HS3ST3B1: variants seen among roughly 807,000 people sequenced by gnomAD.
HS3ST3B1 encodes heparan sulfate glucosamine 3-O-sulfotransferase 3B1.
In HS3ST3B1, 13 loss-of-function variants were observed where a neutral mutation model predicts 21.3. That is an observed-to-expected ratio of 0.61 (90% CI 0.40 to 0.97). The LOEUF is 0.97. HS3ST3B1 is among the 50% of genes least tolerant of loss of function. The pLI is 0.00. For synonymous variants in HS3ST3B1, 234 were observed against 254.8 expected (o/e 0.92, Z 0.78); for missense variants, 459 against 554.8 (o/e 0.83, Z 1.73).
intron 1 of HS3ST3B1, among the ~76,000 whole-genome samples, chr17:14,318,768 T>A (rs72818695): frequency 6.6e-6 from 1 of 152,322 alleles, no homozygotes; most frequent in Non-Finnish European, 1.5e-5. Flanking sequence ...AAGGGAATGT[T>A]CAGTCTTTCA....
chr17:14,334,698 G>A (rs149663342), intron 1 of HS3ST3B1, among the ~76,000 whole-genome samples: 2 of 152,266 alleles, frequency 1.3e-5, no homozygotes, highest in East Asian at 1.9e-4. Context: ...TTGGACATAC[G>A]TATAATGACA....
At chr17:14,309,517 G>A (rs1260766045) in intron 1 of HS3ST3B1, among the ~76,000 whole-genome samples, 1 of 147,654 alleles carries the variant, frequency 6.8e-6, no homozygotes, top group African/African-American at 2.5e-5. Context: ...TGTTCCGCCT[G>A]AGAGGAGAAC....
chr17:14,326,526 G>C (rs1373672447), intron 1 of HS3ST3B1, among the ~76,000 whole-genome samples: 1 of 152,160 alleles, frequency 6.6e-6, no homozygotes, highest in Non-Finnish European at 1.5e-5. Context: ...AAAAACTTCA[G>C]TCCAGGCTAA....
intron 1 of HS3ST3B1, among the ~76,000 whole-genome samples, chr17:14,307,656 G>A (rs28716100): frequency 6.6e-6 from 1 of 152,168 alleles, no homozygotes; most frequent in African/African-American, 2.4e-5. Flanking sequence ...TCAAGGTTCA[G>A]AACTGAAATA....
chr17:14,319,999 A>G lies in HS3ST3B1; in HGVS notation c.554+17927A>G, dbSNP rs894118552. 7.9e-5 allele frequency among the ~76,000 whole-genome samples: 12 copies of G among 152,178 alleles called. 1 individual carries two copies. The highest frequency in any genetic ancestry group is 7.8e-4 in the Admixed American group (12 of 15,290). On this transcript the variant is annotated intron_variant, in intron 1 of 1. Coordinates refer to ENST00000360954, the MANE Select transcript of HS3ST3B1 (RefSeq NM_006041.3). ...TGCGCAGGAGGGCCTTTTTAAAAAG[A>G]TGAAAAGGTAGAAAGATGAGGACTG... is the stretch of plus-strand genomic sequence containing the variant.
chr17:14,345,977 C>G lies in HS3ST3B1; in HGVS notation c.*331C>G, dbSNP rs1910558029. The G allele has an allele frequency of 4.2e-6, 1 of 238,378 alleles. No individual in the cohort carries two copies. Among genetic ancestry groups the G allele is most frequent in the Non-Finnish European group, 8.1e-6 (1 of 123,960 alleles). 14.8% of individuals were successfully genotyped at this position (238,378 alleles called of 1,614,324 possible). A position where few individuals can be genotyped will look rare whatever the true frequency, so the allele number is the denominator to read the frequency against. On this transcript the variant is annotated 3_prime_UTR_variant, in exon 2 of 2. Coordinates refer to ENST00000360954, the MANE Select transcript of HS3ST3B1 (RefSeq NM_006041.3). ...TCAGCCTTCAGTCACCGTCTGAGTT[C>G]TCCAGTTGCTGCCTCCTTGTCTTGT...
chr17:14,301,224 C>T lies in HS3ST3B1; in HGVS notation c.-295C>T, dbSNP rs1305226862. ...CGCGAGAGTGCAACGTCCTCCTGGC[C>T]CCGAGCGCGTCGTCGCGCCCCGGGA... On this transcript the variant is annotated 5_prime_UTR_variant, in exon 1 of 2. Coordinates refer to ENST00000360954, the MANE Select transcript of HS3ST3B1 (RefSeq NM_006041.3). 20 of 454,200 alleles carry T rather than the reference C, an allele frequency of 4.4e-5. No homozygotes were observed. The highest frequency in any genetic ancestry group is 7.3e-5 in the Non-Finnish European group (19 of 258,820). The allele number at this position is 454,200 out of a possible 1,614,324, so 28.1% of individuals were successfully genotyped here. A position where few individuals can be genotyped will look rare whatever the true frequency, so the allele number is the denominator to read the frequency against.
intron 1 of HS3ST3B1, among the ~76,000 whole-genome samples, chr17:14,314,231 G>C (rs571567980): frequency 8.2e-6 from 1 of 122,268 alleles, no homozygotes; most frequent in South Asian, 2.4e-4. Context: ...CACCCGCCTC[G>C]GCCTCCCGAA....
chr17:14,340,658 C>T (rs2142352670), intron 1 of HS3ST3B1, among the ~76,000 whole-genome samples: 1 of 152,316 alleles, frequency 6.6e-6, no homozygotes, highest in East Asian at 1.9e-4. Flanking sequence ...TCTCAGCTCA[C>T]TGCAACCTCC....
In HS3ST3B1 at chr17:14,301,681, T is replaced by C; in HGVS notation, c.163T>C (p.Cys55Arg). The change falls in exon 1 of 2, where the codon TGC becomes CGC. Residue 55 changes from cysteine (C) to arginine (R), a missense_variant. Physicochemically the swap from Cys to Arg is radical, Grantham distance 180. Around this residue, in one of 3 missense-constraint regions of HS3ST3B1, gnomAD observed 317 missense variants for 278.6 expected, o/e 1.14. Transcript: ENST00000360954. ...GTTCCTGTACTCGTGCGCCGGCTCC[T>C]GCGCCGCCGCGCCGGGGCTGCTGCT... is the stretch of plus-strand genomic sequence containing the variant. ...YMFLYSCAGS[C>R]AAAPGLLLLG... 6.2e-7 allele frequency: 1 copy of C among 1,601,448 alleles called. No homozygotes were observed. The highest frequency in any genetic ancestry group is 8.5e-7 in the Non-Finnish European group (1 of 1,176,060).
intron 1 of HS3ST3B1, among the ~76,000 whole-genome samples, chr17:14,342,667 TG>T (rs1450752816): frequency 6.6e-6 from 1 of 152,168 alleles, no homozygotes; most frequent in Non-Finnish European, 1.5e-5. Context: ...GAATACGTAT[TG>T]GTGGCTCCAT....
chr17:14,301,750 G>C lies in HS3ST3B1; in HGVS notation c.232G>C (p.Ala78Pro). 6.3e-7 allele frequency: 1 copy of C among 1,593,548 alleles called. No homozygotes were observed. The highest frequency in any genetic ancestry group is 1.1e-5 in the South Asian group (1 of 89,516). ...CGCCGCACACGACCCGCCAGCCCTG[G>C]CCACAGCTCCGGACGGGACGCCCCC... Reference protein sequence around the residue: ...SRAAHDPPALATAPDGTPPRL... With the variant: ...SRAAHDPPALPTAPDGTPPRL... The change falls in exon 1 of 2, where the codon GCC (alanine) becomes CCC (proline). Residue 78 changes from alanine to proline, a missense_variant. Physicochemically the swap from Ala to Pro is conservative, Grantham distance 27. This residue lies in a region of HS3ST3B1 where 317 missense variants were observed against 278.6 expected (regional missense o/e 1.14). Coordinates refer to ENST00000360954, the MANE Select transcript of HS3ST3B1 (RefSeq NM_006041.3).
intron 1 of HS3ST3B1, among the ~76,000 whole-genome samples, chr17:14,314,277 C>T (rs1057005619): frequency 1.3e-5 from 2 of 152,208 alleles, no homozygotes; most frequent in Non-Finnish European, 2.9e-5. Context: ...CCCTGCCTGG[C>T]CTGGGTTTCT....
chr17:14,311,129 G>A (rs1291671767), intron 1 of HS3ST3B1, among the ~76,000 whole-genome samples: 1 of 150,468 alleles, frequency 6.6e-6, no homozygotes, highest in Non-Finnish European at 1.5e-5. Context: ...CTGTCACCTA[G>A]GCTGGAGTGC....
rs1555548187 is a variant in HS3ST3B1, at chr17:14,313,093, G to GGTGT, written c.554+11034_554+11037dup. Among the ~76,000 whole-genome samples the GGTGT allele has an allele frequency of 3.9e-3, 262 of 67,992 alleles. 1 individual carries two copies. Among genetic ancestry groups the GGTGT allele is most frequent in the African/African-American group, 0.015 (249 of 16,942 alleles). The allele number at this position is 67,992 out of a possible 152,430, so 44.6% of individuals were successfully genotyped here. On this transcript the variant is annotated intron_variant, in intron 1 of 1. Coordinates refer to ENST00000360954, the MANE Select transcript of HS3ST3B1 (RefSeq NM_006041.3). ...AGCTAATTATTGTGTGTGTGTGTGT[G>GGTGT]GTGTGTGTGTGTGTGTATATATATA...
At chr17:14,337,855 A>G (rs1340752470) in intron 1 of HS3ST3B1, among the ~76,000 whole-genome samples, 2 of 151,700 alleles carry the variant, frequency 1.3e-5, no homozygotes, top group African/African-American at 2.4e-5. Flanking sequence ...GTGGACCTCT[A>G]TACCCACATA....
At chr17:14,321,228 G>A (rs1308598258) in intron 1 of HS3ST3B1, among the ~76,000 whole-genome samples, 2 of 152,180 alleles carry the variant, frequency 1.3e-5, no homozygotes, top group Non-Finnish European at 2.9e-5. Flanking sequence ...TTCCAGCTGA[G>A]AGGCTACTCC....
At chr17:14,329,746 C>A in intron 1 of HS3ST3B1, among the ~76,000 whole-genome samples, 1 of 152,116 alleles carries the variant, frequency 6.6e-6, no homozygotes, top group East Asian at 1.9e-4. Flanking sequence ...CTTCATAGCA[C>A]AAGGGAAAAA....
chr17:14,338,269 G>A (rs1400675675), intron 1 of HS3ST3B1, among the ~76,000 whole-genome samples: 1 of 151,392 alleles, frequency 6.6e-6, no homozygotes, highest in African/African-American at 2.4e-5. Flanking sequence ...GGGACTACAG[G>A]TGCGTGCCGC....
Sources: gnomAD v4.1 joint callset for allele counts (sites outside exome capture counted in the v4.1 genomes callset) on GRCh38, gnomAD v4.1.1 for gene constraint, gnomAD v4.1.1 regional missense constraint, MANE v1.5 for transcripts, NCBI Gene and HGNC (gene_info 2026-07-23, HGNC 2026-07-21) for gene names.